Variants in ESRRG observed in about 807,000 individuals in gnomAD.
ESRRG encodes the protein estrogen related receptor gamma, also known as estrogen-related receptor gamma.
A neutral mutation model predicts 44.0 loss-of-function variants in ESRRG; 13 were observed. The observed-to-expected ratio is 0.30, with a 90% CI of 0.19 to 0.47. The LOEUF (loss-of-function observed/expected upper bound fraction) is 0.47, where lower values mean the gene tolerates loss of function less well. Ranked by LOEUF, ESRRG falls within the 20% of genes least tolerant of loss-of-function variation. The pLI is 1.00. For synonymous variants in ESRRG, 215 were observed against 214.6 expected (o/e 1.00, Z -0.02); for missense variants, 395 against 580.6 (o/e 0.68, Z 3.29).
At chr1:216,754,976 G>A (rs918157616) in intron 2 of ESRRG, among the ~76,000 whole-genome samples, 5 of 151,888 alleles carry the variant, frequency 3.3e-5, no homozygotes, top group Admixed American at 1.3e-4. Context: ...CTTCTTAAAA[G>A]AGGCAGATGA....
chr1:216,581,241 A>G (rs190316269), intron 3 of ESRRG, among the ~76,000 whole-genome samples: 33 of 152,344 alleles, frequency 2.2e-4, no homozygotes, highest in Admixed American at 3.9e-4. Flanking sequence ...GTATGCCACA[A>G]TGGTGAAAAT....
intron 2 of ESRRG, among the ~76,000 whole-genome samples, chr1:216,758,854 ATAT>A (rs1211162405): frequency 1.3e-5 from 2 of 152,044 alleles, no homozygotes; most frequent in Admixed American, 6.6e-5. Context: ...CTTAATAATA[ATAT>A]TATTATTTAG....
At chr1:216,569,446 T>A (rs2060384827) in intron 3 of ESRRG, among the ~76,000 whole-genome samples, 1 of 152,026 alleles carries the variant, frequency 6.6e-6, no homozygotes, top group South Asian at 2.1e-4. Context: ...GGGTCAAGAT[T>A]CAAAGGGGAT....
At chr1:216,859,983 G>C (rs1032226353) in intron 2 of ESRRG, among the ~76,000 whole-genome samples, 2 of 152,084 alleles carry the variant, frequency 1.3e-5, no homozygotes, top group South Asian at 2.1e-4. Context: ...GCAGACAAAG[G>C]CCAGGTGCAG....
chr1:216,884,910 T>G (rs1368638222), intron 2 of ESRRG, among the ~76,000 whole-genome samples: 2 of 152,228 alleles, frequency 1.3e-5, no homozygotes, highest in African/African-American at 4.8e-5. Flanking sequence ...TGTTCTTTTG[T>G]TTTTCTGTTT....
Position 216,507,188 on chromosome 1 carries a change from G to T in ESRRG, c.1133-5C>A. On this transcript the variant is annotated splice_polypyrimidine_tract_variant and splice_region_variant and intron_variant, in intron 6 of 6. Transcript: ENST00000408911. The stretch of plus-strand genomic sequence containing the variant: ...CATCTTCTATGTGCATGGAGTCTGT[G>T]CAATGAAGCAAAAGATATGAGTAAT... The T allele has an allele frequency of 6.3e-7, 1 of 1,581,352 alleles. No homozygotes were observed. Among genetic ancestry groups the T allele is most frequent in the Non-Finnish European group, 8.6e-7 (1 of 1,162,572 alleles).
At chr1:216,948,316 C>A (rs1051796640) in intron 1 of ESRRG, among the ~76,000 whole-genome samples, 2 of 151,418 alleles carry the variant, frequency 1.3e-5, no homozygotes, top group Admixed American at 6.6e-5. Flanking sequence ...CAGCACTTTG[C>A]GAGGCAGAGG....
intron 3 of ESRRG, among the ~76,000 whole-genome samples, chr1:216,636,318 G>T (rs2065284716): frequency 6.6e-6 from 1 of 152,130 alleles, no homozygotes; most frequent in African/African-American, 2.4e-5. Flanking sequence ...AGAAATTAAT[G>T]ACCATAATTT....
At chr1:217,124,299 A>G (rs1412691072) in intron 1 of ESRRG, among the ~76,000 whole-genome samples, 1 of 152,202 alleles carries the variant, frequency 6.6e-6, no homozygotes, top group Non-Finnish European at 1.5e-5. Flanking sequence ...AGGAGGAAAA[A>G]AGCAGTTTGT....
intron 1 of ESRRG, chr1:216,707,502 C>G: frequency 6.6e-7 from 1 of 1,524,966 alleles, no homozygotes; most frequent in Admixed American, 2.0e-5. Flanking sequence ...AAGCCAAAAC[C>G]AGAAAGTTAG....
chr1:216,936,919 G>T (rs1289662620), intron 2 of ESRRG, among the ~76,000 whole-genome samples: 1 of 151,918 alleles, frequency 6.6e-6, no homozygotes, highest in East Asian at 1.9e-4. Flanking sequence ...AAATCTATTT[G>T]CATTCCCTGG....
chr1:216,532,712 C>T (rs1388279334), intron 5 of ESRRG, among the ~76,000 whole-genome samples: 1 of 152,158 alleles, frequency 6.6e-6, no homozygotes, highest in Non-Finnish European at 1.5e-5. Flanking sequence ...CTCCTTGAAG[C>T]ACATAATCCT....
intron 2 of ESRRG, among the ~76,000 whole-genome samples, chr1:216,926,942 C>T (rs1255975992): frequency 2.0e-5 from 3 of 152,188 alleles, no homozygotes; most frequent in Non-Finnish European, 4.4e-5. Flanking sequence ...CCCAACAGAG[C>T]TCCAATTACT....
chr1:216,714,756 A>C lies in ESRRG; in HGVS notation c.56+8488T>G, dbSNP rs74652718. On this transcript the variant is annotated intron_variant, in intron 1 of 6. Transcript: ENST00000408911. ...ATAAAGACATGAAAAAAGAATCATC[A>C]TTCACATTAATGTAAATAGATGATC... is the stretch of plus-strand genomic sequence containing the variant. The C allele has an allele frequency of 6.6e-3, 1,069 of 161,132 alleles. 12 individuals are homozygous for C. The highest frequency in any genetic ancestry group is 0.024 in the African/African-American group (1,010 of 41,722). The allele number at this position is 161,132 out of a possible 1,614,324, so 10.0% of individuals were successfully genotyped here. A position where few individuals can be genotyped will look rare whatever the true frequency, so the allele number is the denominator to read the frequency against.
intron 2 of ESRRG, among the ~76,000 whole-genome samples, chr1:216,838,393 TC>T (rs1177252420): frequency 6.6e-6 from 1 of 152,216 alleles, no homozygotes; most frequent in Non-Finnish European, 1.5e-5. Context: ...TACAAATTTG[TC>T]ATTTTTCCCT....
chr1:216,521,334 A>C (rs2046013895), intron 5 of ESRRG, among the ~76,000 whole-genome samples: 1 of 152,178 alleles, frequency 6.6e-6, no homozygotes, highest in South Asian at 2.1e-4. Context: ...ACAAACAAAC[A>C]GAAAACCACA....
At chr1:217,029,044 G>A (rs1304605472) in intron 1 of ESRRG, among the ~76,000 whole-genome samples, 1 of 126,392 alleles carries the variant, frequency 7.9e-6, no homozygotes, top group Admixed American at 8.5e-5. Flanking sequence ...TTTAAAATGA[G>A]CTCTCTGAAA....
intron 1 of ESRRG, among the ~76,000 whole-genome samples, chr1:216,940,724 T>A (rs2065080498): frequency 6.6e-6 from 1 of 152,176 alleles, no homozygotes; most frequent in South Asian, 2.1e-4. Context: ...TCTAAATCTA[T>A]TCACTAAAGA....
intron 1 of ESRRG, among the ~76,000 whole-genome samples, chr1:217,133,647 CTTTCTTTCTTTCTT>C (rs1558298414): frequency 7.0e-5 from 4 of 56,992 alleles, no homozygotes; most frequent in African/African-American, 2.9e-4. Context: ...CTCTCTCTCT[CTTTCTTTCTTTCTT>C]TCTTTCTTTC....
Sources: gnomAD v4.1 joint callset for allele counts (sites outside exome capture counted in the v4.1 genomes callset) on GRCh38, gnomAD v4.1.1 for gene constraint, MANE v1.5 for transcripts, NCBI Gene and HGNC (gene_info 2026-07-23, HGNC 2026-07-21) for gene names.